EIF3E: variants seen among roughly 807,000 people sequenced by gnomAD.
The protein encoded by EIF3E is eIF-3 p48.
EIF3E carries 25 observed loss-of-function variants against 59.3 expected under a neutral mutation model. The ratio of observed to expected loss-of-function variants is 0.42; its 90% CI spans 0.31 to 0.59. The LOEUF is 0.59. EIF3E is among the 20% of genes least tolerant of loss of function. The probability of loss-of-function intolerance (pLI) is 0.15; values close to 1 mark genes in which losing one functional copy is unlikely to be tolerated. For synonymous variants in EIF3E, 176 were observed against 170.2 expected, an observed-to-expected ratio of 1.03 and a Z score of -0.26; for missense variants, 317 against 534.3, an observed-to-expected ratio of 0.59 and a Z score of 4.01.
In EIF3E at chr8:108,201,282, G is replaced by A. The variant is rs1814992290; in HGVS notation, c.*603C>T. 1 of 90,718 alleles carries A rather than the reference G, an allele frequency of 1.1e-5. No individual in the cohort carries two copies. Among genetic ancestry groups the A allele is most frequent in the African/African-American group, 5.2e-5 (1 of 19,408 alleles). 5.6% of individuals were successfully genotyped at this position (90,718 alleles called of 1,614,324 possible). ...ATATATATATCTATCTCTCAACTTG[G>A]ATGGCTCTCAAGAGCATTGTGATGA... is the stretch of plus-strand genomic sequence containing the variant. On this transcript the variant is annotated 3_prime_UTR_variant, in exon 13 of 13. Transcript: ENST00000220849.
chr8:108,225,231 C>A (rs1450656482), intron 7 of EIF3E, among the ~76,000 whole-genome samples: 1 of 151,484 alleles, frequency 6.6e-6, no homozygotes, highest in Non-Finnish European at 1.5e-5. Flanking sequence ...GCCTGTCCTT[C>A]AAGAAAAACA....
Position 108,238,419 on chromosome 8 carries a change from T to C in EIF3E, c.323+1539A>G, listed in dbSNP as rs114717742. 8.8e-3 allele frequency among the ~76,000 whole-genome samples: 1,342 copies of C among 152,312 alleles called. 36 individuals are homozygous for C. The highest frequency in any genetic ancestry group is 0.031 in the African/African-American group (1,279 of 41,558). On this transcript the variant is annotated intron_variant, in intron 3 of 12. Coordinates refer to ENST00000220849, the MANE Select transcript of EIF3E (RefSeq NM_001568.3). Reference sequence around the variant, plus strand: ...TAGCACAGTATTTGCATGTAAATTATACACATCCTCCCATCCACTTTAAAT... The same window carrying C: ...TAGCACAGTATTTGCATGTAAATTACACACATCCTCCCATCCACTTTAAAT...
At chr8:108,228,108 A>T in intron 7 of EIF3E, 159 bp downstream of exon 7, 1 of 716,096 alleles carries the variant, frequency 1.4e-6, no homozygotes, top group Non-Finnish European at 2.1e-6. Flanking sequence ...CTTAAGAGTC[A>T]CATGCATACT....
At chr8:108,215,057 T>C (rs1484244596) in intron 9 of EIF3E, among the ~76,000 whole-genome samples, 1 of 152,152 alleles carries the variant, frequency 6.6e-6, no homozygotes, top group Non-Finnish European at 1.5e-5. Flanking sequence ...AAGCTCGGAG[T>C]ATTTCTACAA....
At chr8:108,242,801 A>C in intron 1 of EIF3E, 1 of 397,086 alleles carries the variant, frequency 2.5e-6, no homozygotes, top group Non-Finnish European at 3.5e-6. Flanking sequence ...AAAGGTTCTC[A>C]ACGTCATTAA....
intron 7 of EIF3E, among the ~76,000 whole-genome samples, chr8:108,226,825 C>T (rs1288486694): frequency 6.6e-6 from 1 of 152,202 alleles, no homozygotes; most frequent in African/African-American, 2.4e-5. Flanking sequence ...CCCATGATTC[C>T]TCCCTCAGTT....
chr8:108,206,101 C>T (rs1372272772), intron 10 of EIF3E, among the ~76,000 whole-genome samples: 4 of 152,054 alleles, frequency 2.6e-5, no homozygotes, highest in African/African-American at 4.8e-5. Flanking sequence ...ATATAACATG[C>T]CAGCCAAACC....
At chr8:108,232,299 A>G (rs1815638897) in intron 5 of EIF3E, among the ~76,000 whole-genome samples, 1 of 152,188 alleles carries the variant, frequency 6.6e-6, no homozygotes, top group African/African-American at 2.4e-5. Flanking sequence ...CAGGACAAAA[A>G]TTTTAAAACG....
At chr8:108,222,838 T>G (rs1296834318) in intron 7 of EIF3E, among the ~76,000 whole-genome samples, 2 of 151,428 alleles carry the variant, frequency 1.3e-5, no homozygotes, top group Non-Finnish European at 2.9e-5. Flanking sequence ...GTTTTTTTTT[T>G]TTTTTTTTTT....
intron 5 of EIF3E, chr8:108,234,678 CCACT>C (rs1815691610): frequency 5.9e-6 from 1 of 168,324 alleles, no homozygotes; most frequent in Non-Finnish European, 1.3e-5. Context: ...CTACAATGTG[CCACT>C]CACTGTGCTG....
At chr8:108,218,782 C>CTTTTTTTTTTTTTTTTTTTTTT (rs35642365) in intron 7 of EIF3E, among the ~76,000 whole-genome samples, 1 of 111,162 alleles carries the variant, frequency 9.0e-6, no homozygotes, top group African/African-American at 3.5e-5. Flanking sequence ...TATTTTATTT[C>CTTTTTTTTTTTTTTTTTTTTTT]TTTTTTTTTT....
At chr8:108,247,411 T>C (rs574286565) in intron 1 of EIF3E, among the ~76,000 whole-genome samples, 2 of 152,290 alleles carry the variant, frequency 1.3e-5, no homozygotes, top group Admixed American at 1.3e-4. Flanking sequence ...AGGTCTAAAA[T>C]ACAGGTGTAA....
chr8:108,210,718 G>C (rs1002378996), intron 10 of EIF3E, among the ~76,000 whole-genome samples: 4 of 152,016 alleles, frequency 2.6e-5, no homozygotes, highest in Admixed American at 2.6e-4. Flanking sequence ...TTTACATTAG[G>C]TATATCTCCT....
chr8:108,231,355 T>C (rs1200308241), intron 5 of EIF3E, among the ~76,000 whole-genome samples: 1 of 152,118 alleles, frequency 6.6e-6, no homozygotes, highest in East Asian at 1.9e-4. Flanking sequence ...TGAAGATCAA[T>C]ATTAAATGCA....
Position 108,235,032 on chromosome 8 carries a change from C to G in EIF3E, c.437G>C (p.Gly146Ala). The change falls in exon 5 of 13, where the codon GGA becomes GCA. Residue 146 changes from glycine to alanine, a missense_variant. By Grantham distance (60) the Gly-to-Ala change is moderately conservative. Around this residue, in one of 4 missense-constraint regions of EIF3E, gnomAD observed 242 missense variants for 398.0 expected, o/e 0.61. Coordinates refer to ENST00000220849, the MANE Select transcript of EIF3E (RefSeq NM_001568.3). Reference sequence around the variant, plus strand: ...AAAAAAATAAAGATATTCTGCTGCTCCTGAGTAATTCCCACATTCGTACTG... The same window carrying G: ...AAAAAAATAAAGATATTCTGCTGCTGCTGAGTAATTCCCACATTCGTACTG... ...KFQYECGNYSGAAEYLYFFRV... is the reference protein window; with the variant it reads ...KFQYECGNYSAAAEYLYFFRV... 6.2e-7 allele frequency: 1 copy of G among 1,603,776 alleles called. No individual in the cohort carries two copies. The highest frequency in any genetic ancestry group is 8.5e-7 in the Non-Finnish European group (1 of 1,176,332).
intron 10 of EIF3E, among the ~76,000 whole-genome samples, chr8:108,208,937 C>T (rs1422233983): frequency 6.6e-6 from 1 of 152,012 alleles, no homozygotes; most frequent in African/African-American, 2.4e-5. Flanking sequence ...ATGTTGCAAA[C>T]TTTATGGTAA....
chr8:108,202,795 C>T (rs1815018352), intron 12 of EIF3E, among the ~76,000 whole-genome samples, 188 bp downstream of exon 12: 1 of 151,914 alleles, frequency 6.6e-6, no homozygotes, highest in Non-Finnish European at 1.5e-5. Context: ...ATTTCTTTTT[C>T]AGTTTCTATG....
intron 2 of EIF3E, 34 bp from the exon 3 acceptor site, chr8:108,240,109 A>G: frequency 6.5e-7 from 1 of 1,527,930 alleles, no homozygotes. Context: ...CTACAATGTT[A>G]AGGAATGTTA....
At chr8:108,225,915 A>ACAGCATCTAC (rs1815507892) in intron 7 of EIF3E, among the ~76,000 whole-genome samples, 1 of 146,618 alleles carries the variant, frequency 6.8e-6, no homozygotes, top group African/African-American at 2.8e-5. Context: ...TTATGTGTTA[A>ACAGCATCTAC]ATTGAATCAA....
Sources: allele counts gnomAD v4.1 joint callset (sites outside exome capture counted in the v4.1 genomes callset), GRCh38; gene constraint gnomAD v4.1.1; regional missense constraint gnomAD v4.1.1; transcripts MANE v1.5; gene names NCBI Gene and HGNC (gene_info 2026-07-23, HGNC 2026-07-21).